GLI2: variants seen among roughly 807,000 people sequenced by gnomAD.
GLI2 encodes the protein transcription activator GLI2.
GLI2 carries 22 observed loss-of-function variants against 78.9 expected under a neutral mutation model. That is an observed-to-expected ratio of 0.28 (90% CI 0.20 to 0.40). The LOEUF is 0.40. Among genes scored for constraint, GLI2 ranks in the 10% least tolerant of loss-of-function variants. GLI2 has a pLI of 1.00. For missense variants in GLI2, 2,097 were observed against 2,213.2 expected (o/e 0.95, Z 1.05); for synonymous variants, 974 against 963.7 (o/e 1.01, Z -0.20).
intron 3 of GLI2, among the ~76,000 whole-genome samples, chr2:120,934,752 A>T (rs1302437723): frequency 6.6e-6 from 1 of 152,112 alleles, no homozygotes; most frequent in Admixed American, 6.5e-5. Flanking sequence ...CTGCATGTTA[A>T]TGGGGATGTT....
chr2:120,809,532 G>GT (rs1280943482), intron 2 of GLI2, among the ~76,000 whole-genome samples: 1 of 151,914 alleles, frequency 6.6e-6, no homozygotes, highest in Non-Finnish European at 1.5e-5. Flanking sequence ...TTACATCTCT[G>GT]TTTAAAAAAG....
intron 1 of GLI2, among the ~76,000 whole-genome samples, chr2:120,783,825 G>C (rs1485475470): frequency 6.6e-6 from 1 of 152,160 alleles, no homozygotes; most frequent in East Asian, 1.9e-4. Flanking sequence ...TCTTATTCCA[G>C]GGCAGTTTGC....
intron 1 of GLI2, among the ~76,000 whole-genome samples, chr2:120,794,590 TG>T (rs1684298771): frequency 6.6e-6 from 1 of 151,938 alleles, no homozygotes; most frequent in South Asian, 2.1e-4. Flanking sequence ...GTGCGAGTGC[TG>T]GGGGGTGTGG....
At position 120,990,642 on chromosome 2, in the gene GLI2, C is replaced by G. The variant is rs762886402; in HGVS notation, c.4677C>G (p.Ala1559=). 6.2e-7 allele frequency: 1 copy of G among 1,612,962 alleles called. No homozygotes were observed. Among genetic ancestry groups the G allele is most frequent in the Non-Finnish European group, 8.5e-7 (1 of 1,179,554 alleles). ...GDMSSMLTSL[A]EESKFLNMMT ...TGAGCTCCATGCTCACCAGCCTCGC[C>G]GAGGAGAGCAAGTTCCTGAACATGA... is the stretch of plus-strand genomic sequence containing the variant. The change falls in exon 14 of 14, where the codon GCC becomes GCG. Residue 1559 remains alanine (A), a synonymous_variant. Coordinates refer to ENST00000361492, the MANE Select transcript of GLI2 (RefSeq NM_001374353.1).
chr2:120,862,243 G>A (rs1486567436), intron 2 of GLI2, among the ~76,000 whole-genome samples: 1 of 152,204 alleles, frequency 6.6e-6, no homozygotes, highest in East Asian at 1.9e-4. Context: ...TGAATGTGGG[G>A]TGAGCCCTGG....
intron 2 of GLI2, among the ~76,000 whole-genome samples, chr2:120,912,745 G>T (rs188369084): frequency 6.6e-6 from 1 of 151,984 alleles, no homozygotes; most frequent in Non-Finnish European, 1.5e-5. Flanking sequence ...CTTATTTGTC[G>T]AAGATCTCGG....
Position 120,984,465 on chromosome 2 carries a change from C to T in GLI2, c.1633-6C>T, listed in dbSNP as rs1340012644. 2.5e-6 allele frequency: 4 copies of T among 1,614,102 alleles called. No individual in the cohort carries two copies. The highest frequency in any genetic ancestry group is 2.7e-5 in the African/African-American group (2 of 75,044). The stretch of plus-strand genomic sequence containing the variant: ...ATCCATGACACAGGCCTGCTTCTCT[C>T]CCCAGAAACCCTACATCTGCAAGAT... On this transcript the variant is annotated splice_region_variant and splice_polypyrimidine_tract_variant and intron_variant, in intron 11 of 13. Transcript: ENST00000361492.
At position 120,962,492 on chromosome 2, in the gene GLI2, G is replaced by A. The variant is rs114400872; in HGVS notation, c.644-6222G>A. On this transcript the variant is annotated intron_variant, in intron 5 of 13. Coordinates refer to ENST00000361492, the MANE Select transcript of GLI2 (RefSeq NM_001374353.1). ...GGCTGATGGATCAATGAATAAACAT[G>A]TGAATGAGCAACAGAAAGCGCTAGT... 4.8e-3 allele frequency among the ~76,000 whole-genome samples: 735 copies of A among 152,328 alleles called. 4 individuals carry two copies. The highest frequency in any genetic ancestry group is 0.016 in the African/African-American group (652 of 41,582).
At position 120,836,754 on chromosome 2, in the gene GLI2, C is replaced by G. The variant is rs530801298; in HGVS notation, c.148+39286C>G. 2.6e-5 allele frequency among the ~76,000 whole-genome samples: 4 copies of G among 152,316 alleles called. 1 individual carries two copies. In the South Asian group the frequency reaches 8.3e-4, roughly 32 times the overall value. ...TGCAACACAACGTGTGTTTCTTTCTCTGTATCACACTGCTCATTTAGAAGC... is the reference window on the plus strand; with the variant it reads ...TGCAACACAACGTGTGTTTCTTTCTGTGTATCACACTGCTCATTTAGAAGC... On this transcript the variant is annotated intron_variant, in intron 2 of 13. Coordinates refer to ENST00000361492, the MANE Select transcript of GLI2 (RefSeq NM_001374353.1).
chr2:120,986,376 G>A lies in GLI2; in HGVS notation c.2004G>A (p.Gly668=). ...PNNDSGVEMP[G]TGPGSLGDLT... ...ATGACAGTGGCGTGGAGATGCCGGG[G>A]ACGGGGCCCGGGAGCCTGGGAGACC... The change falls in exon 13 of 14, where the codon GGG becomes GGA. Residue 668 remains glycine (G), a synonymous_variant. Coordinates refer to ENST00000361492, the MANE Select transcript of GLI2 (RefSeq NM_001374353.1). 1.9e-6 allele frequency: 3 copies of A among 1,613,650 alleles called. No individual in the cohort carries two copies. Among genetic ancestry groups the A allele is most frequent in the South Asian group, 1.1e-5 (1 of 91,062 alleles).
chr2:120,966,033 G>A (rs980142839), intron 5 of GLI2, among the ~76,000 whole-genome samples: 8 of 152,146 alleles, frequency 5.3e-5, no homozygotes, highest in African/African-American at 1.9e-4. Context: ...AATAAACAGC[G>A]AAAGCAGAAA....
intron 4 of GLI2, among the ~76,000 whole-genome samples, chr2:120,952,150 C>A (rs1334007212): frequency 6.6e-6 from 1 of 152,242 alleles, no homozygotes; most frequent in African/African-American, 2.4e-5. Context: ...GCCAGTCCCA[C>A]CATGCCGTCT....
chr2:120,920,945 G>C (rs1056921732), intron 2 of GLI2, among the ~76,000 whole-genome samples: 1 of 150,728 alleles, frequency 6.6e-6, no homozygotes, highest in Non-Finnish European at 1.5e-5. Flanking sequence ...AGCTGTGTGT[G>C]TAAGGGTCTG....
intron 10 of GLI2, among the ~76,000 whole-genome samples, chr2:120,979,332 A>G (rs1682607424): frequency 6.6e-6 from 1 of 152,200 alleles, no homozygotes; most frequent in Non-Finnish European, 1.5e-5. Flanking sequence ...TAGAAGGTCA[A>G]CAGGATTTAT....
At position 120,988,624 on chromosome 2, in the gene GLI2, C is replaced by T; in HGVS notation, c.2659C>T (p.Pro887Ser). 6.9e-7 allele frequency: 1 copy of T among 1,457,408 alleles called. No individual in the cohort carries two copies. Among genetic ancestry groups the T allele is most frequent in the Non-Finnish European group, 9.0e-7 (1 of 1,110,542 alleles). 90.3% of individuals were successfully genotyped at this position (1,457,408 alleles called of 1,614,324 possible). ...AAATGGPPPT[P>S]LPGLERMSLR... is the part of the protein sequence containing the mutation. Reference sequence around the variant, plus strand: ...AGCCACTGGCGGCCCCCCGCCCACTCCGCTGCCGGGCCTGGAGCGCATGAG... The same window carrying T: ...AGCCACTGGCGGCCCCCCGCCCACTTCGCTGCCGGGCCTGGAGCGCATGAG... The change falls in exon 14 of 14, where the codon CCG becomes TCG. Residue 887 changes from proline (P) to serine (S), a missense_variant. Pro to Ser is a moderately conservative substitution (Grantham distance 74). This residue lies in a region of GLI2 where 1,290 missense variants were observed against 1,261.7 expected (regional missense o/e 1.02). Transcript: ENST00000361492.
At chr2:120,948,446 A>G (rs1207186250) in intron 3 of GLI2, among the ~76,000 whole-genome samples, 1 of 152,002 alleles carries the variant, frequency 6.6e-6, no homozygotes, top group Non-Finnish European at 1.5e-5. Flanking sequence ...GGTGGAGTCT[A>G]CCTTCCCCAA....
At chr2:120,889,958 G>A (rs927047052) in intron 2 of GLI2, among the ~76,000 whole-genome samples, 12 of 152,126 alleles carry the variant, frequency 7.9e-5, no homozygotes, top group Admixed American at 7.9e-4. Flanking sequence ...ACACCCTTGG[G>A]CATTTATTCC....
intron 2 of GLI2, among the ~76,000 whole-genome samples, chr2:120,892,657 C>T (rs942393607): frequency 2.6e-5 from 4 of 152,220 alleles, no homozygotes; most frequent in African/African-American, 9.6e-5. Context: ...GAAATTAACA[C>T]TGATAATCAG....
chr2:120,885,939 G>T (rs2104730556), intron 2 of GLI2, among the ~76,000 whole-genome samples: 1 of 152,004 alleles, frequency 6.6e-6, no homozygotes, highest in African/African-American at 2.4e-5. Flanking sequence ...TTGGCTCTAA[G>T]AAAATGAAAA....
Sources: allele counts gnomAD v4.1 joint callset (sites outside exome capture counted in the v4.1 genomes callset), GRCh38; gene constraint gnomAD v4.1.1; regional missense constraint gnomAD v4.1.1; transcripts MANE v1.5; gene names NCBI Gene and HGNC (gene_info 2026-07-23, HGNC 2026-07-21).